Variants in SLC9A8 observed in about 807,000 individuals in gnomAD.
SLC9A8 encodes the protein sodium/hydrogen exchanger 8.
A neutral mutation model predicts 66.6 loss-of-function variants in SLC9A8; 48 were observed. The observed-to-expected ratio is 0.72, with a 90% CI of 0.57 to 0.92. The LOEUF (loss-of-function observed/expected upper bound fraction) is 0.92, where lower values mean the gene tolerates loss of function less well. SLC9A8 is among the 40% of genes least tolerant of loss of function. SLC9A8 has a pLI of 0.00. For missense variants in SLC9A8, 599 were observed against 747.3 expected, an observed-to-expected ratio of 0.80 and a Z score of 2.31; for synonymous variants, 274 against 282.6, an observed-to-expected ratio of 0.97 and a Z score of 0.31.
At chr20:49,821,392 G>A (rs2086733868) in intron 2 of SLC9A8, among the ~76,000 whole-genome samples, 1 of 151,954 alleles carries the variant, frequency 6.6e-6, no homozygotes, top group Non-Finnish European at 1.5e-5. Context: ...CTTTTTTCTT[G>A]CCATTAGTAT....
chr20:49,850,336 AT>A (rs1568837413), intron 6 of SLC9A8, among the ~76,000 whole-genome samples: 1 of 152,118 alleles, frequency 6.6e-6, no homozygotes, highest in African/African-American at 2.4e-5. Context: ...CTTTTCCTTT[AT>A]TGTCAGTTGC....
Position 49,889,648 on chromosome 20 carries a change from T to A in SLC9A8, c.*1712T>A, listed in dbSNP as rs760114920. On this transcript the variant is annotated 3_prime_UTR_variant, in exon 16 of 16. Coordinates refer to ENST00000361573, the MANE Select transcript of SLC9A8 (RefSeq NM_015266.3). ...GATAGAGCTAAAATATGATCTTTTT[T>A]AATTTCTCAACCCCATAATTTGAGC... 5.3e-5 allele frequency: 8 copies of A among 152,336 alleles called. No homozygotes were observed. The highest frequency in any genetic ancestry group is 3.9e-4 in the East Asian group (2 of 5,188). The allele number at this position is 152,336 out of a possible 1,614,324, so 9.4% of individuals were successfully genotyped here.
intron 8 of SLC9A8, among the ~76,000 whole-genome samples, chr20:49,860,362 G>A (rs916291742): frequency 7.2e-5 from 11 of 152,030 alleles, no homozygotes; most frequent in Admixed American, 2.6e-4. Context: ...GAATTTCCTC[G>A]AAAGGCTTTC....
chr20:49,815,122 A>G lies in SLC9A8; in HGVS notation c.141A>G (p.Thr47=). The change falls in exon 2 of 16, where the codon ACA becomes ACG. Residue 47 remains threonine, a synonymous_variant. Transcript: ENST00000361573. ...GCAAGCCCATCCTCCCCGTGCAGAC[A>G]GGGGAGCAGGCCCAGCAAGAGGAGC... ...TPGKPILPVQ[T]GEQAQQEEQS... The G allele has an allele frequency of 3.1e-6, 5 of 1,608,458 alleles. No homozygotes were observed. The highest frequency in any genetic ancestry group is 2.3e-5 in the East Asian group (1 of 44,400).
chr20:49,875,512 G>A (rs973883851), intron 11 of SLC9A8, among the ~76,000 whole-genome samples: 3 of 152,138 alleles, frequency 2.0e-5, no homozygotes, highest in Non-Finnish European at 4.4e-5. Flanking sequence ...CGCAGTAGAG[G>A]TGTCATTTGT....
At chr20:49,814,870 TTC>T in intron 1 of SLC9A8, 136 bp from the exon 2 acceptor site, 1 of 595,796 alleles carries the variant, frequency 1.7e-6, no homozygotes, top group Non-Finnish European at 2.7e-6. Context: ...CTTAGTAAGT[TTC>T]TCTCGAAGGC....
intron 2 of SLC9A8, 53 bp from the exon 3 acceptor site, chr20:49,823,008 C>A: frequency 7.0e-7 from 1 of 1,431,744 alleles, no homozygotes; most frequent in South Asian, 1.2e-5. Context: ...TGGTGTTTAT[C>A]ATTCAGAATT....
At position 49,823,120 on chromosome 20, in the gene SLC9A8, A is replaced by G; in HGVS notation, c.268A>G (p.Ser90Gly). Residue 90 changes from serine (S) to glycine (G), a missense_variant, in exon 3 of 16, where the codon AGT (serine) becomes GGT (glycine). By Grantham distance (56) the Ser-to-Gly change is moderately conservative. Coordinates refer to ENST00000361573, the MANE Select transcript of SLC9A8 (RefSeq NM_015266.3). ...IRYRLHFLPE[S>G]VAVVSLGILM... is the part of the protein sequence containing the mutation. ...ATACAGATTACATTTCTTGCCAGAG[A>G]GTGTTGCTGTTGTTTCTTTAGGTAA... The G allele has an allele frequency of 6.2e-7, 1 of 1,612,162 alleles. No individual in the cohort carries two copies.
intron 3 of SLC9A8, chr20:49,830,431 C>A (rs964551967): frequency 3.6e-6 from 3 of 833,530 alleles, no homozygotes; most frequent in East Asian, 2.5e-5. Context: ...GATCCCAAGG[C>A]GGCCAAGGAC....
At position 49,829,905 on chromosome 20, in the gene SLC9A8, C is replaced by A. The variant is rs1173365039; in HGVS notation, c.289+6764C>A. ...GGCTCTTCAGAGACAGGCTCCAAAT[C>A]CCCTCTGAAAAGAATCCAAGAGCAA... On this transcript the variant is annotated intron_variant, in intron 3 of 15. Coordinates refer to ENST00000361573, the MANE Select transcript of SLC9A8 (RefSeq NM_015266.3). The A allele has an allele frequency of 1.6e-5, 9 of 576,324 alleles. No individual in the cohort carries two copies. The East Asian group carries it at 3.6e-4, about 23-fold the overall frequency. 35.7% of individuals were successfully genotyped at this position (576,324 alleles called of 1,614,324 possible). A position where few individuals can be genotyped will look rare whatever the true frequency, so the allele number is the denominator to read the frequency against.
chr20:49,828,073 A>ATTTTTTTTTTTTTTTTTTTTT (rs58366162), intron 3 of SLC9A8, among the ~76,000 whole-genome samples: 1 of 81,510 alleles, frequency 1.2e-5, no homozygotes, highest in Non-Finnish European at 2.4e-5. Flanking sequence ...CCAAAAAAAA[A>ATTTTTTTTTTTTTTTTTTTTT]TTTTTTTTTT....
intron 11 of SLC9A8, among the ~76,000 whole-genome samples, chr20:49,875,502 C>T (rs190362451): frequency 2.7e-3 from 405 of 152,240 alleles, no homozygotes; most frequent in Non-Finnish European, 4.7e-3. Context: ...GGGGACAGTT[C>T]GCAGTAGAGG....
At chr20:49,816,090 T>G (rs73123844) in intron 2 of SLC9A8, among the ~76,000 whole-genome samples, 2 of 152,172 alleles carry the variant, frequency 1.3e-5, no homozygotes, top group African/African-American at 2.4e-5. Flanking sequence ...AATTTAGTTA[T>G]GTACTATTTT....
chr20:49,880,380 G>T (rs1415626831), intron 12 of SLC9A8, among the ~76,000 whole-genome samples: 1 of 152,188 alleles, frequency 6.6e-6, no homozygotes, highest in Non-Finnish European at 1.5e-5. Context: ...GGCTAAGCCG[G>T]GGCATGTGGC....
intron 9 of SLC9A8, among the ~76,000 whole-genome samples, chr20:49,863,679 T>A (rs904166499): frequency 1.3e-5 from 2 of 152,270 alleles, no homozygotes; most frequent in African/African-American, 4.8e-5. Context: ...TTGCACTGAT[T>A]TTGTTGTTTG....
chr20:49,824,230 C>T (rs893122093), intron 3 of SLC9A8, among the ~76,000 whole-genome samples: 3 of 152,174 alleles, frequency 2.0e-5, no homozygotes, highest in Non-Finnish European at 2.9e-5. Context: ...ATAGTGTTGA[C>T]CTCGAGTACA....
At chr20:49,834,169 CTCTCTCTCTCTCTCTCTA>C (rs1329158781) in intron 3 of SLC9A8, among the ~76,000 whole-genome samples, 28 of 58,416 alleles carry the variant, frequency 4.8e-4, no homozygotes, top group Admixed American at 8.6e-4. Flanking sequence ...CTCTCTCTCT[CTCTCTCTCTCTCTCTCTA>C]TATATATATA....
intron 3 of SLC9A8, chr20:49,830,825 G>C: frequency 7.1e-7 from 1 of 1,409,616 alleles, no homozygotes; most frequent in Non-Finnish European, 1.0e-6. Context: ...AGGCCCAGCA[G>C]ACACTCTTGG....
intron 9 of SLC9A8, 120 bp downstream of exon 9, chr20:49,863,187 G>T: frequency 4.6e-6 from 4 of 862,450 alleles, no homozygotes; most frequent in Non-Finnish European, 5.2e-6. Flanking sequence ...GCTTAAAGGA[G>T]GATTTTTTTG....
Sources: allele counts gnomAD v4.1 joint callset (sites outside exome capture counted in the v4.1 genomes callset), GRCh38; gene constraint gnomAD v4.1.1; transcripts MANE v1.5; gene names NCBI Gene and HGNC (gene_info 2026-07-23, HGNC 2026-07-21).